Variants in FAT2 observed in about 807,000 individuals in gnomAD.
The protein encoded by FAT2 is FAT atypical cadherin 2, also known as protocadherin Fat 2.
In FAT2, 150 loss-of-function variants were observed where a neutral mutation model predicts 295.3. The ratio of observed to expected loss-of-function variants is 0.51; its 90% CI spans 0.44 to 0.58. The LOEUF (loss-of-function observed/expected upper bound fraction) is 0.58, where lower values mean the gene tolerates loss of function less well. Ranked by LOEUF, FAT2 falls within the 20% of genes least tolerant of loss-of-function variation. The pLI, the probability that FAT2 is intolerant of heterozygous loss-of-function variation, is 0.00. For missense variants in FAT2, 4,868 were observed against 5,442.7 expected (o/e 0.89, Z 3.32); for synonymous variants, 2,026 against 2,150.3 (o/e 0.94, Z 1.60).
Position 151,542,232 on chromosome 5 carries a change from T to C in FAT2, c.8842+53A>G. 2.6e-6 allele frequency: 4 copies of C among 1,511,908 alleles called. No individual in the cohort carries two copies. The South Asian group carries it at 5.3e-5, about 20-fold the overall frequency. The allele number at this position is 1,511,908 out of a possible 1,614,324, so 93.7% of individuals were successfully genotyped here. On this transcript the variant is annotated intron_variant, in intron 10 of 23. Transcript: ENST00000261800. ...GAACCCATTTTAGGGCACCTCTTCC[T>C]GGATGTTTTTCGATACATTCCAGAG... is the stretch of plus-strand genomic sequence containing the variant.
rs765106777 is a variant in FAT2, at chr5:151,565,921, C to A, written c.3011G>T (p.Gly1004Val). ...GYNLSLWASD[G>V]GRPLARRTLC... is the part of the protein sequence containing the mutation. ...AGTCCTGCGGGCTAGGGGCCTCCCA[C>A]CATCACTGGCCCACAGGCTCAGATT... is the stretch of plus-strand genomic sequence containing the variant. Residue 1004 changes from glycine to valine, a missense_variant, in exon 2 of 24, where the codon GGT (glycine) becomes GTT (valine). Coordinates refer to ENST00000261800, the MANE Select transcript of FAT2 (RefSeq NM_001447.3). The A allele has an allele frequency of 6.2e-7, 1 of 1,613,904 alleles. No homozygotes were observed. The highest frequency in any genetic ancestry group is 1.3e-5 in the African/African-American group (1 of 74,924).
chr5:151,532,533 G>A (rs903943249), intron 13 of FAT2, among the ~76,000 whole-genome samples: 1 of 152,200 alleles, frequency 6.6e-6, no homozygotes, highest in African/African-American at 2.4e-5. Flanking sequence ...TGCTATGTAA[G>A]ATGCTCCCAT....
intron 14 of FAT2, among the ~76,000 whole-genome samples, 176 bp from the exon 15 acceptor site, chr5:151,529,568 A>G (rs1045515347): frequency 1.3e-4 from 19 of 146,594 alleles, no homozygotes; most frequent in African/African-American, 4.4e-4. Context: ...CTTCCCCATC[A>G]TCTCCCTCAT....
intron 3 of FAT2, among the ~76,000 whole-genome samples, chr5:151,561,653 A>G (rs1758021510): frequency 6.6e-6 from 1 of 152,190 alleles, no homozygotes; most frequent in Admixed American, 6.5e-5. Context: ...GGCCTCCCCA[A>G]GTGCTGGGAT....
intron 19 of FAT2, among the ~76,000 whole-genome samples, chr5:151,521,052 T>C (rs1418929612): frequency 6.6e-6 from 1 of 152,226 alleles, no homozygotes; most frequent in Admixed American, 6.5e-5. Context: ...CATATTGTAG[T>C]CTTACTGTTA....
rs780181299 is a variant in FAT2 at position 151,531,840 on chromosome 5, C to T, written c.9558G>A (p.Thr3186=). The change falls in exon 14 of 24, where the codon ACG becomes ACA. Residue 3186 remains threonine (T), a synonymous_variant. Coordinates refer to ENST00000261800, the MANE Select transcript of FAT2 (RefSeq NM_001447.3). This position sits in a 1 kb window ranked among gnomAD's most constrained non-coding sequence, Gnocchi z 5.7. The part of the protein sequence containing the change: ...QVRPQAPLEL[T]VRASDLGTPI... ...GGGTGCCCAGGTCAGAGGCACGGACCGTGAGCTCCAGTGGTGCCTGGGGCC... is the reference window on the plus strand; with the variant it reads ...GGGTGCCCAGGTCAGAGGCACGGACTGTGAGCTCCAGTGGTGCCTGGGGCC... The T allele has an allele frequency of 1.2e-6, 2 of 1,614,030 alleles. No homozygotes were observed. The highest frequency in any genetic ancestry group is 8.5e-7 in the Non-Finnish European group (1 of 1,180,014).
At chr5:151,511,073 G>C (rs935014582) in intron 21 of FAT2, 1 of 152,642 alleles carries the variant, frequency 6.6e-6, no homozygotes, top group Admixed American at 6.5e-5. Context: ...CTGCTGGAAG[G>C]TGGAAGGCCG....
chr5:151,553,095 G>T (rs766150652), intron 6 of FAT2, 82 bp downstream of exon 6: 3 of 1,413,966 alleles, frequency 2.1e-6, no homozygotes, highest in African/African-American at 2.8e-5. Context: ...AGAAGAGTCA[G>T]AAGGACTGTA....
At chr5:151,514,914 C>T (rs957564898) in intron 20 of FAT2, among the ~76,000 whole-genome samples, 4 of 152,230 alleles carry the variant, frequency 2.6e-5, no homozygotes, top group African/African-American at 2.4e-5. Flanking sequence ...CCACAGCATA[C>T]ACACATGGTG....
rs186852117 is a variant in FAT2 at position 151,509,697 on chromosome 5, G to A, written c.12059+324C>T. On this transcript the variant is annotated intron_variant, in intron 22 of 23. Transcript: ENST00000261800. ...GCTCAGGGCTCCCAACTGATTCTAC[G>A]TTATGGTGAGTTGTATAATTACTTC... 657 of 239,196 alleles carry A rather than the reference G, an allele frequency of 2.7e-3. 4 individuals carry two copies. Among genetic ancestry groups the A allele is most frequent in the African/African-American group, 8.1e-3 (366 of 44,924 alleles). The allele number at this position is 239,196 out of a possible 1,614,324, so 14.8% of individuals were successfully genotyped here. A position where few individuals can be genotyped will look rare whatever the true frequency, so the allele number is the denominator to read the frequency against.
At chr5:151,516,132 G>T (rs1429171419) in intron 20 of FAT2, among the ~76,000 whole-genome samples, 1 of 152,090 alleles carries the variant, frequency 6.6e-6, no homozygotes, top group African/African-American at 2.4e-5. Flanking sequence ...GATGTCCATA[G>T]AGCTAACTTT....
At position 151,529,299 on chromosome 5, in the gene FAT2, C is replaced by G. The variant is rs755668190; in HGVS notation, c.9905G>C (p.Ser3302Thr). 6 of 1,614,132 alleles carry G rather than the reference C, an allele frequency of 3.7e-6. No homozygotes were observed. The South Asian group carries it at 6.6e-5, about 18-fold the overall frequency. ...ECSRKSSSSL[S>T]DVTTVMVNIT... The stretch of plus-strand genomic sequence containing the variant: ...GTTGACCATGACTGTGGTCACGTCA[C>G]TGAGGGAAGAGGAGCTCTTCCGGCT... The change falls in exon 15 of 24, where the codon AGT (serine) becomes ACT (threonine). Residue 3302 changes from serine to threonine, a missense_variant. By Grantham distance (58) the Ser-to-Thr change is moderately conservative. This residue lies in a region of FAT2 where 1,046 missense variants were observed against 1,210.1 expected (regional missense o/e 0.86). Transcript: ENST00000261800.
rs1241243561 is a variant in FAT2, at chr5:151,507,088, G to A, written c.12517+66C>T. 20 of 1,387,678 alleles carry A rather than the reference G, an allele frequency of 1.4e-5. No homozygotes were observed. In the Admixed American group the frequency reaches 2.3e-4, roughly 16 times the overall value. 86.0% of individuals were successfully genotyped at this position (1,387,678 alleles called of 1,614,324 possible). A position where few individuals can be genotyped will look rare whatever the true frequency, so the allele number is the denominator to read the frequency against. On this transcript the variant is annotated intron_variant, in intron 23 of 23. Transcript: ENST00000261800. Reference sequence around the variant, plus strand: ...TAAAAATGCCTGTGCCTCAGATAACGGAGTGTTTAGAACCACCACCCACTT... The same window carrying A: ...TAAAAATGCCTGTGCCTCAGATAACAGAGTGTTTAGAACCACCACCCACTT...
At position 151,567,648 on chromosome 5, in the gene FAT2, G is replaced by A. The variant is rs1180287919; in HGVS notation, c.1284C>T (p.His428=). ...GTGAGGTTCTGATGTGTAGCTGATA[G>A]TGGGCTCTGTCGTGGAAGTCCATGA... ...TKLMDFHDRA[H]YQLHIRTSPG... The change falls in exon 2 of 24, where the codon CAC becomes CAT. Residue 428 remains histidine (H), a synonymous_variant. Coordinates refer to ENST00000261800, the MANE Select transcript of FAT2 (RefSeq NM_001447.3). 2.5e-6 allele frequency: 4 copies of A among 1,614,066 alleles called. No homozygotes were observed. Among genetic ancestry groups the A allele is most frequent in the African/African-American group, 1.3e-5 (1 of 74,926 alleles).
Position 151,546,302 on chromosome 5 carries a change from G to A in FAT2, c.4825C>T (p.Leu1609=), listed in dbSNP as rs1191675853. ...SEGFFNINAL[L]GIITLAQKLD... The stretch of plus-strand genomic sequence containing the variant: ...TTTTGAGCTAGAGTAATGATGCCTA[G>A]CAGGGCATTGATGTTGAAGAAACCT... Residue 1609 remains leucine, a synonymous_variant, in exon 10 of 24, where the codon CTA becomes TTA. Transcript: ENST00000261800. The A allele has an allele frequency of 6.2e-7, 1 of 1,613,632 alleles. No individual in the cohort carries two copies. Among genetic ancestry groups the A allele is most frequent in the African/African-American group, 1.3e-5 (1 of 74,922 alleles).
rs771503263 is a variant in FAT2 at position 151,545,086 on chromosome 5, A to G, written c.6041T>C (p.Met2014Thr). Residue 2014 changes from methionine (M) to threonine (T), a missense_variant, in exon 10 of 24, where the codon ATG becomes ACG. Coordinates refer to ENST00000261800, the MANE Select transcript of FAT2 (RefSeq NM_001447.3). The stretch of plus-strand genomic sequence containing the variant: ...CTGCAACACACCTGCTGACTGGACC[A>G]TATGAAACATATCTGTGCCATTCAA... The part of the protein sequence containing the change: ...FLLNGTDMFH[M>T]VQSAGVLQTR... 4.3e-6 allele frequency: 7 copies of G among 1,614,080 alleles called. No individual in the cohort carries two copies. The East Asian group carries it at 1.1e-4, about 26-fold the overall frequency.
intron 1 of FAT2, among the ~76,000 whole-genome samples, chr5:151,582,248 A>G (rs1758987930): frequency 6.6e-6 from 1 of 152,204 alleles, no homozygotes; most frequent in Admixed American, 6.5e-5. Flanking sequence ...CCCTGTGTTC[A>G]ACATTCAAGC....
Position 151,543,696 on chromosome 5 carries a change from G to C in FAT2, c.7431C>G (p.Tyr2477Ter), listed in dbSNP as rs138944475. 1 of 1,614,092 alleles carries C rather than the reference G, an allele frequency of 6.2e-7. No individual in the cohort carries two copies. The highest frequency in any genetic ancestry group is 8.5e-7 in the Non-Finnish European group (1 of 1,180,034). Residue 2477 changes from tyrosine (Y) to a stop codon, truncating the protein, a stop_gained, in exon 10 of 24, where the codon TAC (tyrosine) becomes TAG (stop). Coordinates refer to ENST00000261800, the MANE Select transcript of FAT2 (RefSeq NM_001447.3). LOFTEE classifies it high-confidence loss of function. ...AAAGGTGCTGCTGGAACTCTGGGCT[G>C]TACTTGTTGGCATTTGTAGTGTTGA... Reference protein sequence around the residue: ...VYINTTNANKYSPEFQQHLYE... With the variant: ...VYINTTNANK
chr5:151,544,347 G>A lies in FAT2; in HGVS notation c.6780C>T (p.Val2260=), dbSNP rs750217884. ...LGSFSEATVE[V]LVEDVNDNPP... is the part of the protein sequence containing the mutation. ...GGTTATCATTGACATCCTCCACTAG[G>A]ACTTCCACTGTGGCTTCAGAAAATG... The change falls in exon 10 of 24, where the codon GTC becomes GTT. Residue 2260 remains valine, a synonymous_variant. Coordinates refer to ENST00000261800, the MANE Select transcript of FAT2 (RefSeq NM_001447.3). 6 of 1,614,196 alleles carry A rather than the reference G, an allele frequency of 3.7e-6. No individual in the cohort carries two copies. Among genetic ancestry groups the A allele is most frequent in the Non-Finnish European group, 4.2e-6 (5 of 1,180,040 alleles).
Sources: gnomAD v4.1 joint callset for allele counts (sites outside exome capture counted in the v4.1 genomes callset) on GRCh38, gnomAD v4.1.1 for gene constraint, gnomAD v4.1.1 regional missense constraint, Gnocchi (gnomAD v3.1) non-coding constraint, MANE v1.5 for transcripts, NCBI Gene and HGNC (gene_info 2026-07-23, HGNC 2026-07-21) for gene names.